Variants in GAREM1 observed in about 807,000 individuals in gnomAD.
The protein encoded by GAREM1 is GRB2-associated and regulator of MAPK protein 1.
In GAREM1, 26 loss-of-function variants were observed where a neutral mutation model predicts 71.3. The observed-to-expected ratio is 0.36, with a 90% CI of 0.27 to 0.51. The LOEUF (loss-of-function observed/expected upper bound fraction) is 0.51, where lower values mean the gene tolerates loss of function less well. GAREM1 is among the 20% of genes least tolerant of loss of function. GAREM1 has a pLI of 0.95. For synonymous variants in GAREM1, 440 were observed against 433.2 expected, an observed-to-expected ratio of 1.02 and a Z score of -0.20; for missense variants, 1,026 against 1,103.1, an observed-to-expected ratio of 0.93 and a Z score of 0.99.
Position 32,413,312 on chromosome 18 carries a change from G to A in GAREM1, c.122-20277C>T, listed in dbSNP as rs533920724. The stretch of plus-strand genomic sequence containing the variant: ...CATTAAGTAGATTTCCAAAAATACC[G>A]CTTAGCCTTAAAAACAAAACCACAT... On this transcript the variant is annotated intron_variant, in intron 1 of 5. Transcript: ENST00000269209. 82 of 1,049,870 alleles carry A rather than the reference G, an allele frequency of 7.8e-5. 1 individual carries two copies. The South Asian group carries it at 9.8e-4, about 13-fold the overall frequency. The allele number at this position is 1,049,870 out of a possible 1,614,324, so 65.0% of individuals were successfully genotyped here.
chr18:32,333,925 G>A lies in GAREM1; in HGVS notation c.263-23602C>T, dbSNP rs776927977. Among the ~76,000 whole-genome samples, 34 of 152,196 alleles carry A rather than the reference G, an allele frequency of 2.2e-4. 1 individual carries two copies. The highest frequency in any genetic ancestry group is 1.6e-4 in the Non-Finnish European group (11 of 68,042). On this transcript the variant is annotated intron_variant, in intron 2 of 5. Coordinates refer to ENST00000269209, the MANE Select transcript of GAREM1 (RefSeq NM_001242409.2). ...CGGTGTGCGGTCCGCAGAGTGAAGA[G>A]AGAAGTCTATTTGTTCCACCTAAGC...
chr18:32,330,878 C>G (rs1272042231), intron 2 of GAREM1, among the ~76,000 whole-genome samples: 2 of 152,148 alleles, frequency 1.3e-5, no homozygotes, highest in Admixed American at 1.3e-4. Context: ...GGTCTTACAG[C>G]CAAGCACTGC....
At chr18:32,324,783 C>T (rs2047460031) in intron 2 of GAREM1, among the ~76,000 whole-genome samples, 1 of 152,088 alleles carries the variant, frequency 6.6e-6, no homozygotes, top group Admixed American at 6.5e-5. Context: ...GCAATCAAGC[C>T]ATGAAAAGAC....
chr18:32,365,658 C>A (rs117823594), intron 2 of GAREM1, among the ~76,000 whole-genome samples: 1 of 152,170 alleles, frequency 6.6e-6, no homozygotes, highest in African/African-American at 2.4e-5. Context: ...CCACCCTAGT[C>A]TCATTTTAGG....
intron 1 of GAREM1, among the ~76,000 whole-genome samples, chr18:32,419,472 T>C (rs1163057325): frequency 6.6e-6 from 1 of 151,860 alleles, no homozygotes; most frequent in Non-Finnish European, 1.5e-5. Context: ...TCCTGCCACG[T>C]GAGGATTCAA....
intron 2 of GAREM1, among the ~76,000 whole-genome samples, chr18:32,313,496 G>A (rs1438009080): frequency 6.6e-6 from 1 of 152,154 alleles, no homozygotes; most frequent in Non-Finnish European, 1.5e-5. Context: ...TGACTGAGAA[G>A]CCCAGGGGTA....
Position 32,412,130 on chromosome 18 carries a change from T to A in GAREM1, c.122-19095A>T, listed in dbSNP as rs1247322477. The A allele has an allele frequency of 8.2e-6, 8 of 974,920 alleles. No homozygotes were observed. The African/African-American group carries it at 1.3e-4, about 16-fold the overall frequency. The allele number at this position is 974,920 out of a possible 1,614,324, so 60.4% of individuals were successfully genotyped here. ...AGCTAGGCCCTGCCACCACTGTGCT[T>A]GGCTGAGTTCACAAATCTGTTGTAA... On this transcript the variant is annotated intron_variant, in intron 1 of 5. Transcript: ENST00000269209.
chr18:32,312,526 T>C (rs905007275), intron 2 of GAREM1, among the ~76,000 whole-genome samples: 1 of 152,056 alleles, frequency 6.6e-6, no homozygotes, highest in African/African-American at 2.4e-5. Flanking sequence ...CAGAACTGGA[T>C]TGAAGGCAGC....
chr18:32,315,964 T>A lies in GAREM1; in HGVS notation c.263-5641A>T, dbSNP rs193022813. 2.9e-3 allele frequency among the ~76,000 whole-genome samples: 440 copies of A among 152,332 alleles called. 3 individuals carry two copies. Among genetic ancestry groups the A allele is most frequent in the African/African-American group, 0.01 (427 of 41,562 alleles). ...CCAACTTGGGTTCTTGTTTTTTAAT[T>A]ATTTTTCTATTGCGTCTGTGATCTT... is the stretch of plus-strand genomic sequence containing the variant. On this transcript the variant is annotated intron_variant, in intron 2 of 5. Coordinates refer to ENST00000269209, the MANE Select transcript of GAREM1 (RefSeq NM_001242409.2).
chr18:32,325,791 T>C (rs1435266157), intron 2 of GAREM1, among the ~76,000 whole-genome samples: 1 of 152,322 alleles, frequency 6.6e-6, no homozygotes, highest in African/African-American at 2.4e-5. Flanking sequence ...GGTTGCATCA[T>C]ATCCTTCTAC....
At chr18:32,296,285 G>C (rs2047138998) in intron 3 of GAREM1, among the ~76,000 whole-genome samples, 1 of 152,126 alleles carries the variant, frequency 6.6e-6, no homozygotes, top group African/African-American at 2.4e-5. Context: ...AATAATCTCA[G>C]ATTTGCAGAG....
chr18:32,408,650 G>A (rs909744385), intron 1 of GAREM1, among the ~76,000 whole-genome samples: 18 of 152,066 alleles, frequency 1.2e-4, no homozygotes, highest in African/African-American at 4.3e-4. Flanking sequence ...TAAATACCCA[G>A]TAACCAACTC....
intron 1 of GAREM1, among the ~76,000 whole-genome samples, chr18:32,453,492 C>T (rs918138169): frequency 2.0e-5 from 3 of 152,100 alleles, no homozygotes; most frequent in Admixed American, 6.5e-5. Flanking sequence ...AGATTCTGTT[C>T]CCTGCCTCGC....
At chr18:32,269,972 C>CTT (rs2041433550) in intron 5 of GAREM1, among the ~76,000 whole-genome samples, 2 of 152,140 alleles carry the variant, frequency 1.3e-5, no homozygotes, top group African/African-American at 4.8e-5. Flanking sequence ...TCTAGTTGGC[C>CTT]TTTACCTCTG....
At chr18:32,296,551 T>C (rs1419764358) in intron 3 of GAREM1, among the ~76,000 whole-genome samples, 1 of 152,228 alleles carries the variant, frequency 6.6e-6, no homozygotes, top group African/African-American at 2.4e-5. Context: ...TTTCTAAGGC[T>C]TTGACAGTTT....
At chr18:32,368,465 A>T (rs1002868546) in intron 2 of GAREM1, among the ~76,000 whole-genome samples, 1 of 152,180 alleles carries the variant, frequency 6.6e-6, no homozygotes, top group Non-Finnish European at 1.5e-5. Flanking sequence ...CTGGAATATC[A>T]GGCCAAAATT....
intron 4 of GAREM1, among the ~76,000 whole-genome samples, chr18:32,270,709 G>A (rs1054869041): frequency 6.6e-6 from 1 of 152,108 alleles, no homozygotes; most frequent in Non-Finnish European, 1.5e-5. Context: ...TGACATGTGA[G>A]GATGGATAAA....
At chr18:32,317,800 T>C (rs1044682606) in intron 2 of GAREM1, among the ~76,000 whole-genome samples, 1 of 151,908 alleles carries the variant, frequency 6.6e-6, no homozygotes. Context: ...TGCTGTGTCC[T>C]GGAAATCGGA....
At chr18:32,398,138 C>T (rs1468562546) in intron 1 of GAREM1, among the ~76,000 whole-genome samples, 1 of 152,118 alleles carries the variant, frequency 6.6e-6, no homozygotes, top group Non-Finnish European at 1.5e-5. Context: ...CACAACATAC[C>T]AGAATCTCTG....
Sources: gnomAD v4.1 joint callset for allele counts (sites outside exome capture counted in the v4.1 genomes callset) on GRCh38, gnomAD v4.1.1 for gene constraint, MANE v1.5 for transcripts, NCBI Gene and HGNC (gene_info 2026-07-23, HGNC 2026-07-21) for gene names.